The following MPPED1 variants were observed in gnomAD, a reference collection of about 807,000 sequenced individuals.
MPPED1 encodes the protein metallophosphoesterase domain-containing protein 1.
Under a neutral mutation model 36.2 loss-of-function variants are expected in MPPED1, and 16 were observed. That is an observed-to-expected ratio of 0.44 (90% CI 0.30 to 0.67). The LOEUF (loss-of-function observed/expected upper bound fraction) is 0.67, where lower values mean the gene tolerates loss of function less well. Ranked by LOEUF, MPPED1 falls within the 30% of genes least tolerant of loss-of-function variation. The probability of loss-of-function intolerance (pLI) is 0.10; values close to 1 mark genes in which losing one functional copy is unlikely to be tolerated. For synonymous variants in MPPED1, 199 were observed against 191.3 expected (o/e 1.04, Z -0.33); for missense variants, 307 against 453.4 (o/e 0.68, Z 2.93).
intron 1 of MPPED1, among the ~76,000 whole-genome samples, chr22:43,420,625 C>A (rs1929236780): frequency 6.6e-6 from 1 of 152,114 alleles, no homozygotes; most frequent in Non-Finnish European, 1.5e-5. Flanking sequence ...TGGTCTCGAA[C>A]TCCCGACCTC....
chr22:43,483,533 G>A (rs1014730664), intron 4 of MPPED1, among the ~76,000 whole-genome samples: 1 of 152,394 alleles, frequency 6.6e-6, no homozygotes, highest in Admixed American at 6.5e-5. Flanking sequence ...GTGAGACACA[G>A]GCGGGCCCGG....
At chr22:43,420,316 A>G (rs918425144) in intron 1 of MPPED1, among the ~76,000 whole-genome samples, 3 of 152,158 alleles carry the variant, frequency 2.0e-5, no homozygotes, top group Admixed American at 6.5e-5. Context: ...CCCAGGCCTC[A>G]GGGACTTAGC....
intron 3 of MPPED1, among the ~76,000 whole-genome samples, chr22:43,441,681 A>T (rs1206458254): frequency 6.6e-6 from 1 of 152,200 alleles, no homozygotes. Flanking sequence ...GATATATGAG[A>T]CAATATAAAA....
chr22:43,430,400 G>C (rs990865773), intron 2 of MPPED1, among the ~76,000 whole-genome samples: 10 of 152,244 alleles, frequency 6.6e-5, no homozygotes, highest in Non-Finnish European at 1.5e-5. Context: ...ATGACAAAGA[G>C]GGAGTGGCTT....
At chr22:43,478,103 G>A (rs1225030251) in intron 4 of MPPED1, among the ~76,000 whole-genome samples, 1 of 152,276 alleles carries the variant, frequency 6.6e-6, no homozygotes, top group Non-Finnish European at 1.5e-5. Context: ...GGTTCAGGCA[G>A]GGATGTGGCT....
intron 4 of MPPED1, among the ~76,000 whole-genome samples, chr22:43,485,695 A>C (rs1267348265): frequency 6.6e-6 from 1 of 152,196 alleles, no homozygotes; most frequent in East Asian, 1.9e-4. Context: ...TCCACATGAG[A>C]TTAATGTTTG....
At chr22:43,482,128 TA>T (rs371024806) in intron 4 of MPPED1, among the ~76,000 whole-genome samples, 2 of 152,002 alleles carry the variant, frequency 1.3e-5, no homozygotes, top group African/African-American at 4.8e-5. Flanking sequence ...TCCCAAGTGT[TA>T]AAAAAAATCC....
chr22:43,493,238 C>G (rs1932156723), intron 4 of MPPED1, among the ~76,000 whole-genome samples: 1 of 152,324 alleles, frequency 6.6e-6, no homozygotes, highest in Admixed American at 6.5e-5. Flanking sequence ...CATTCCCTCG[C>G]CAAACCTCCA....
intron 3 of MPPED1, among the ~76,000 whole-genome samples, chr22:43,458,126 G>C (rs553669410): frequency 8.5e-5 from 13 of 152,090 alleles, no homozygotes; most frequent in Non-Finnish European, 1.8e-4. Context: ...CTAGGTTTGC[G>C]TAAGTACACT....
chr22:43,491,767 A>T (rs1395514268), intron 4 of MPPED1, among the ~76,000 whole-genome samples: 9 of 99,308 alleles, frequency 9.1e-5, no homozygotes, highest in South Asian at 3.4e-4. Flanking sequence ...GTGGTGATGG[A>T]GGTGGTAATG....
chr22:43,419,132 A>G (rs1929173628), intron 1 of MPPED1: 1 of 152,112 alleles, frequency 6.6e-6, no homozygotes, highest in Admixed American at 6.6e-5. Context: ...TAGGTGAAAA[A>G]CTAAGATTAA....
intron 2 of MPPED1, among the ~76,000 whole-genome samples, chr22:43,426,741 G>A (rs1022419074): frequency 3.3e-5 from 5 of 152,244 alleles, no homozygotes; most frequent in African/African-American, 1.2e-4. Flanking sequence ...CCCTCTTCCA[G>A]TGGCACTTGC....
chr22:43,472,133 C>G (rs1409481143), intron 3 of MPPED1, among the ~76,000 whole-genome samples: 3 of 152,204 alleles, frequency 2.0e-5, no homozygotes, highest in Non-Finnish European at 4.4e-5. Flanking sequence ...TCAGCACTTC[C>G]TGACTGGACC....
chr22:43,426,998 G>T (rs1346311223), intron 2 of MPPED1, among the ~76,000 whole-genome samples: 1 of 152,212 alleles, frequency 6.6e-6, no homozygotes, highest in African/African-American at 2.4e-5. Context: ...TTTGTCTTTT[G>T]CTGGTGAGGT....
At chr22:43,461,355 C>T (rs1601978267) in intron 3 of MPPED1, among the ~76,000 whole-genome samples, 1 of 152,180 alleles carries the variant, frequency 6.6e-6, no homozygotes, top group African/African-American at 2.4e-5. Context: ...CAGGCTACTA[C>T]AGGCTTGCAA....
At chr22:43,447,883 A>ATATATATATATATTTT (rs1321289636) in intron 3 of MPPED1, among the ~76,000 whole-genome samples, 25 of 67,706 alleles carry the variant, frequency 3.7e-4, no homozygotes, top group Admixed American at 6.3e-4. Flanking sequence ...ATATATATAT[A>ATATATATATATATTTT]TTTTTTTTTT....
At position 43,478,875 on chromosome 22, in the gene MPPED1, C is replaced by T. The variant is rs117448675; in HGVS notation, c.632+3914C>T. Among the ~76,000 whole-genome samples, 176 of 152,198 alleles carry T rather than the reference C, an allele frequency of 1.2e-3. 5 individuals are homozygous for T. In the East Asian group the frequency reaches 0.02, roughly 18 times the overall value. On this transcript the variant is annotated intron_variant, in intron 4 of 6. Coordinates refer to ENST00000443721, the MANE Select transcript of MPPED1 (RefSeq NM_001044370.2). ...CCCAGTAAGTGGGAAGGTGACATGA[C>T]GTGATCTAGGGAGCGTGCGACACTA...
intron 3 of MPPED1, among the ~76,000 whole-genome samples, chr22:43,456,980 A>G (rs1363042913): frequency 6.6e-6 from 1 of 152,104 alleles, no homozygotes; most frequent in Non-Finnish European, 1.5e-5. Flanking sequence ...ATACCTTTTT[A>G]TATGGTGTCT....
At chr22:43,479,591 T>G (rs1012493810) in intron 4 of MPPED1, among the ~76,000 whole-genome samples, 3 of 152,220 alleles carry the variant, frequency 2.0e-5, no homozygotes, top group African/African-American at 4.8e-5. Flanking sequence ...GCAGGGGGTC[T>G]GCTGTGGGTG....
Sources: allele counts gnomAD v4.1 joint callset (sites outside exome capture counted in the v4.1 genomes callset), GRCh38; gene constraint gnomAD v4.1.1; transcripts MANE v1.5; gene names NCBI Gene and HGNC (gene_info 2026-07-23, HGNC 2026-07-21).